The following ATP13A5 variants were observed in gnomAD, a reference collection of about 807,000 sequenced individuals.
The protein encoded by ATP13A5 is ATPase 13A5, also known as probable cation-transporting ATPase 13A5.
In ATP13A5, 149 loss-of-function variants were observed where a neutral mutation model predicts 150.2. The ratio of observed to expected loss-of-function variants is 0.99; its 90% CI spans 0.87 to 1.14. The LOEUF is 1.14. Ranked by LOEUF, ATP13A5 falls within the 50% of genes most tolerant of loss-of-function variation. The probability of loss-of-function intolerance (pLI) is 0.00; values close to 1 mark genes in which losing one functional copy is unlikely to be tolerated. For synonymous variants in ATP13A5, 497 were observed against 522.2 expected (o/e 0.95, Z 0.66); for missense variants, 1,383 against 1,449.3 (o/e 0.95, Z 0.74).
intron 26 of ATP13A5, 41 bp from the exon 27 acceptor site, chr3:193,285,157 A>G: frequency 6.5e-7 from 1 of 1,535,992 alleles, no homozygotes; most frequent in Non-Finnish European, 8.9e-7. Flanking sequence ...ATTTGATTCC[A>G]TTTTTGTCCA....
At chr3:193,362,813 C>CTTTCTCTCTTTCTTTCTTTCTTTCTTTG (rs59105884) in intron 3 of ATP13A5, among the ~76,000 whole-genome samples, 176 bp from the exon 4 acceptor site, 1 of 111,962 alleles carries the variant, frequency 8.9e-6, no homozygotes, top group African/African-American at 3.3e-5. Flanking sequence ...TTCTTTCTTT[C>CTTTCTCTCTTTCTTTCTTTCTTTCTTTG]AGACAGGGTC....
At chr3:193,338,025 T>A (rs990765753) in intron 9 of ATP13A5, among the ~76,000 whole-genome samples, 1 of 152,222 alleles carries the variant, frequency 6.6e-6, no homozygotes, top group African/African-American at 2.4e-5. Context: ...ATAATTTGGC[T>A]CTCTGTTTGT....
chr3:193,344,551 C>T (rs1712253444), intron 8 of ATP13A5, among the ~76,000 whole-genome samples: 2 of 152,182 alleles, frequency 1.3e-5, no homozygotes, highest in African/African-American at 4.8e-5. Flanking sequence ...CTAAAAGCCC[C>T]ATTCAGGCCC....
At chr3:193,276,216 A>G (rs1204488838) in intron 29 of ATP13A5, among the ~76,000 whole-genome samples, 1 of 152,226 alleles carries the variant, frequency 6.6e-6, no homozygotes, top group Non-Finnish European at 1.5e-5. Context: ...CTTTTACAAA[A>G]AAGAACTCTC....
intron 1 of ATP13A5, among the ~76,000 whole-genome samples, chr3:193,367,681 T>G (rs998742656): frequency 1.3e-5 from 2 of 152,130 alleles, no homozygotes; most frequent in Admixed American, 1.3e-4. Flanking sequence ...AATCAGTCAA[T>G]GTACTTTGCC....
At chr3:193,278,440 T>C (rs537762009) in intron 28 of ATP13A5, among the ~76,000 whole-genome samples, 6 of 152,350 alleles carry the variant, frequency 3.9e-5, no homozygotes, top group Admixed American at 1.3e-4. Flanking sequence ...TTCTTGTTCA[T>C]ACTCCACAGC....
chr3:193,334,804 T>C, intron 10 of ATP13A5, 125 bp downstream of exon 10: 3 of 828,874 alleles, frequency 3.6e-6, no homozygotes, highest in Non-Finnish European at 5.6e-6. Flanking sequence ...AAGTGTCTGT[T>C]TGGAAAAAAG....
chr3:193,334,723 A>G (rs1711778545), intron 10 of ATP13A5, among the ~76,000 whole-genome samples: 1 of 152,210 alleles, frequency 6.6e-6, no homozygotes, highest in African/African-American at 2.4e-5. Context: ...TCACCTACAC[A>G]TACCCTTCAT....
At position 193,289,931 on chromosome 3, in the gene ATP13A5, G is replaced by A. The variant is rs1445227448; in HGVS notation, c.2977C>T (p.Leu993Phe). The A allele has an allele frequency of 1.9e-6, 3 of 1,612,226 alleles. No individual in the cohort carries two copies. In the East Asian group the frequency reaches 6.7e-5, roughly 36 times the overall value. The change falls in exon 26 of 30, where the codon CTC (leucine) becomes TTC (phenylalanine). Residue 993 changes from leucine to phenylalanine, a missense_variant. Around this residue, in one of 3 missense-constraint regions of ATP13A5, gnomAD observed 568 missense variants for 621.5 expected, o/e 0.91. Coordinates refer to ENST00000342358, the MANE Select transcript of ATP13A5 (RefSeq NM_198505.4). ...FSCIVQISAF[L>F]YVKQQPWYCE... ...TACCAAGGCTGCTGCTTCACATAGA[G>A]AAATGCACTGATCTGCACAATGCAG...
rs187313177 is a variant in ATP13A5, at chr3:193,371,409, A to T, written c.64-7129T>A. Among the ~76,000 whole-genome samples the T allele has an allele frequency of 1.7e-3, 254 of 152,306 alleles. 1 individual carries two copies. The highest frequency in any genetic ancestry group is 8.7e-3 in the Admixed American group (133 of 15,304). On this transcript the variant is annotated intron_variant, in intron 1 of 29. Coordinates refer to ENST00000342358, the MANE Select transcript of ATP13A5 (RefSeq NM_198505.4). ...ATTAGTTTTCTGTTGCTGCATAGCA[A>T]ACTCAGTGTCTTAATACAACACAGA...
Position 193,315,002 on chromosome 3 carries a change from C to T in ATP13A5, c.2128G>A (p.Glu710Lys), listed in dbSNP as rs761159307. ...ATCATCACAGTCCTGATACGGGCCT[C>T]ACTCAGTTCCTTCAAGACCAGTTTG... ...ETKLVLKELS[E>K]ARIRTVMITG... The change falls in exon 18 of 30, where the codon GAG (glutamate) becomes AAG (lysine). Residue 710 changes from glutamate to lysine, a missense_variant. By Grantham distance (56) the Glu-to-Lys change is moderately conservative (BLOSUM62 1). Coordinates refer to ENST00000342358, the MANE Select transcript of ATP13A5 (RefSeq NM_198505.4). 6.2e-7 allele frequency: 1 copy of T among 1,609,552 alleles called. No homozygotes were observed.
intron 17 of ATP13A5, among the ~76,000 whole-genome samples, chr3:193,318,756 G>A (rs532035443): frequency 6.6e-6 from 1 of 152,282 alleles, no homozygotes; most frequent in East Asian, 1.9e-4. Context: ...TGGTATCTTG[G>A]AGTCAGAAGC....
At chr3:193,326,039 T>C (rs1046236012) in intron 13 of ATP13A5, among the ~76,000 whole-genome samples, 2 of 152,176 alleles carry the variant, frequency 1.3e-5, no homozygotes, top group African/African-American at 4.8e-5. Context: ...TGTCACCCAG[T>C]CCAGGGTATC....
chr3:193,285,752 T>C (rs1180817761), intron 26 of ATP13A5, among the ~76,000 whole-genome samples: 1 of 152,194 alleles, frequency 6.6e-6, no homozygotes, highest in Non-Finnish European at 1.5e-5. Context: ...TTGGGTTGCA[T>C]GTGCTATTGC....
chr3:193,308,804 C>T (rs1317785015), intron 21 of ATP13A5, among the ~76,000 whole-genome samples: 1 of 152,062 alleles, frequency 6.6e-6, no homozygotes, highest in Non-Finnish European at 1.5e-5. Context: ...TATGGCTTTT[C>T]AAAGTTAGGC....
intron 9 of ATP13A5, among the ~76,000 whole-genome samples, chr3:193,335,423 G>A (rs1711815774): frequency 6.6e-6 from 1 of 152,124 alleles, no homozygotes; most frequent in African/African-American, 2.4e-5. Flanking sequence ...ACTATTTTAG[G>A]CAATGAAGGA....
intron 5 of ATP13A5, among the ~76,000 whole-genome samples, chr3:193,355,212 G>A (rs1259556799): frequency 3.3e-5 from 5 of 152,092 alleles, no homozygotes; most frequent in Non-Finnish European, 7.4e-5. Context: ...GATTACAAGC[G>A]TGAGCCAGCA....
Position 193,290,978 on chromosome 3 carries a change from T to C in ATP13A5, c.2849-919A>G, listed in dbSNP as rs1484814027. 1.3e-5 allele frequency among the ~76,000 whole-genome samples: 2 copies of C among 152,086 alleles called. 1 individual carries two copies. The highest frequency in any genetic ancestry group is 4.1e-4 in the South Asian group (2 of 4,830). On this transcript the variant is annotated intron_variant, in intron 25 of 29. Coordinates refer to ENST00000342358, the MANE Select transcript of ATP13A5 (RefSeq NM_198505.4). ...TTCTCACAGCTTATCACTGGTTTGTTTGATGTAAGGGAAGAAGTGGGGTGT... is the reference window on the plus strand; with the variant it reads ...TTCTCACAGCTTATCACTGGTTTGTCTGATGTAAGGGAAGAAGTGGGGTGT...
intron 25 of ATP13A5, among the ~76,000 whole-genome samples, chr3:193,292,605 G>A (rs865922253): frequency 1.5e-4 from 23 of 152,120 alleles, no homozygotes; most frequent in African/African-American, 3.6e-4. Flanking sequence ...AAATCTGTCC[G>A]TTCAACCTGG....
Sources: gnomAD v4.1 joint callset for allele counts (sites outside exome capture counted in the v4.1 genomes callset) on GRCh38, gnomAD v4.1.1 for gene constraint, gnomAD v4.1.1 regional missense constraint, MANE v1.5 for transcripts, NCBI Gene and HGNC (gene_info 2026-07-23, HGNC 2026-07-21) for gene names.